Variants in PEAK3 observed in about 807,000 individuals in gnomAD.
The protein encoded by PEAK3 is PEAK family member 3.
In PEAK3, 15 loss-of-function variants were observed where a neutral mutation model predicts 13.3. The observed-to-expected ratio is 1.13, with a 90% CI of 0.75 to 1.73. The LOEUF (loss-of-function observed/expected upper bound fraction) is 1.73, where lower values mean the gene tolerates loss of function less well. Among genes scored for constraint, PEAK3 ranks in the 40% most tolerant of loss-of-function variants. The pLI, the probability that PEAK3 is intolerant of heterozygous loss-of-function variation, is 0.00. For missense variants in PEAK3, 739 were observed against 690.2 expected (o/e 1.07, Z -0.79); for synonymous variants, 347 against 341.9 (o/e 1.01, Z -0.17).
chr19:2,277,819 C>A (rs1183151892), intron 3 of PEAK3, among the ~76,000 whole-genome samples: 5 of 150,780 alleles, frequency 3.3e-5, no homozygotes, highest in Non-Finnish European at 5.9e-5. Flanking sequence ...CCCGCCTTGG[C>A]CTTCCAAAGT....
Position 2,275,567 on chromosome 19 carries a change from G to C in PEAK3, c.*113C>G. 1 of 981,308 alleles carries C rather than the reference G, an allele frequency of 1.0e-6. No homozygotes were observed. 60.8% of individuals were successfully genotyped at this position (981,308 alleles called of 1,614,324 possible). A position where few individuals can be genotyped will look rare whatever the true frequency, so the allele number is the denominator to read the frequency against. On this transcript the variant is annotated 3_prime_UTR_variant, in exon 4 of 4. Transcript: ENST00000342063. ...AGTGGGGCATTGCTCTCTCTGCTGCGCTCCTGGACTCTGCAGGAAGAGGGT... is the reference window on the plus strand; with the variant it reads ...AGTGGGGCATTGCTCTCTCTGCTGCCCTCCTGGACTCTGCAGGAAGAGGGT...
chr19:2,278,453 GCCCGGCT>G (rs2025410903), intron 3 of PEAK3, 124 bp downstream of exon 3: 11 of 1,092,318 alleles, frequency 1.0e-5, no homozygotes, highest in Non-Finnish European at 1.1e-5. Context: ...GAGCCACCGC[GCCCGGCT>G]CCAGTATTTC....
At position 2,275,589 on chromosome 19, in the gene PEAK3, G is replaced by A. The variant is rs1310744880; in HGVS notation, c.*91C>T. On this transcript the variant is annotated 3_prime_UTR_variant, in exon 4 of 4. Coordinates refer to ENST00000342063, the MANE Select transcript of PEAK3 (RefSeq NM_198532.3). ...TGCGCTCCTGGACTCTGCAGGAAGA[G>A]GGTGTCTTGGCTATCATGGAGACGC... 8.7e-7 allele frequency: 1 copy of A among 1,153,970 alleles called. No individual in the cohort carries two copies. Among genetic ancestry groups the A allele is most frequent in the African/African-American group, 1.6e-5 (1 of 61,236 alleles). 71.5% of individuals were successfully genotyped at this position (1,153,970 alleles called of 1,614,324 possible).
chr19:2,276,520 A>C, intron 3 of PEAK3, 31 bp from the exon 4 acceptor site: 2 of 1,452,798 alleles, frequency 1.4e-6, no homozygotes, highest in Non-Finnish European at 1.8e-6. Flanking sequence ...CGGGGCCTGG[A>C]TCACTGGGCC....
chr19:2,281,891 C>T (rs1261083266), intron 1 of PEAK3, among the ~76,000 whole-genome samples, 196 bp downstream of exon 1: 1 of 152,200 alleles, frequency 6.6e-6, no homozygotes, highest in African/African-American at 2.4e-5. Flanking sequence ...GAGTGTTCAG[C>T]CTGAGGACAG....
rs1414761128 is a variant in PEAK3 at position 2,275,896 on chromosome 19, G to T, written c.1206C>A (p.Pro402=). Residue 402 remains proline, a synonymous_variant, in exon 4 of 4, where the codon CCC becomes CCA. Transcript: ENST00000342063. ...CTCCGCGGCCGCGCAGCTCAGGCCC[G>T]GGCCCCCAGAGCAGCGCCTGCAGCG... ...RGALQALLWG[P]GPELRGRGAP... is the part of the protein sequence containing the mutation. 1 of 1,399,572 alleles carries T rather than the reference G, an allele frequency of 7.1e-7. No homozygotes were observed. The highest frequency in any genetic ancestry group is 9.2e-7 in the Non-Finnish European group (1 of 1,084,958). 86.7% of individuals were successfully genotyped at this position (1,399,572 alleles called of 1,614,324 possible).
Position 2,278,821 on chromosome 19 carries a change from G to A in PEAK3, c.375C>T (p.Leu125=). 1 of 1,596,188 alleles carries A rather than the reference G, an allele frequency of 6.3e-7. No individual in the cohort carries two copies. The highest frequency in any genetic ancestry group is 8.5e-7 in the Non-Finnish European group (1 of 1,171,804). Reference sequence around the variant, plus strand: ...CAGCCTCCGGGCTGTGCAGATCGCGGAGGGAGAGGCCCAGTGGGGCGTCAG... The same window carrying A: ...CAGCCTCCGGGCTGTGCAGATCGCGAAGGGAGAGGCCCAGTGGGGCGTCAG... ...GPADAPLGLS[L]RDLHSPEAVH... is the part of the protein sequence containing the mutation. The change falls in exon 3 of 4, where the codon CTC becomes CTT. Residue 125 remains leucine, a synonymous_variant. Transcript: ENST00000342063.
rs141253643 is a variant in PEAK3, at chr19:2,280,864, G to C, written c.68C>G (p.Thr23Arg). The C allele has an allele frequency of 1.4e-5, 23 of 1,607,020 alleles. No homozygotes were observed. The highest frequency in any genetic ancestry group is 1.8e-5 in the Non-Finnish European group (21 of 1,176,788). The change falls in exon 2 of 4, where the codon ACG (threonine) becomes AGG (arginine). Residue 23 changes from threonine (T) to arginine (R), a missense_variant. Physicochemically the swap from Thr to Arg is moderately conservative, Grantham distance 71. Coordinates refer to ENST00000342063, the MANE Select transcript of PEAK3 (RefSeq NM_198532.3). ...GAGCTGCTTACCAAGGTTGCTATAC[G>C]TGGGCTGAGTCGACCAGGTGGGGTT... ...PDNPTWSTQP[T>R]YSNLGQIRAH...
intron 3 of PEAK3, among the ~76,000 whole-genome samples, chr19:2,278,310 G>A (rs1220687289): frequency 1.4e-5 from 2 of 145,908 alleles, no homozygotes; most frequent in East Asian, 2.0e-4. Flanking sequence ...GTTTACAGGC[G>A]CCCGCCACCA....
intron 3 of PEAK3, among the ~76,000 whole-genome samples, chr19:2,277,182 A>C (rs1355025225): frequency 6.6e-6 from 1 of 152,078 alleles, no homozygotes; most frequent in African/African-American, 2.4e-5. Flanking sequence ...AACAAGTCTA[A>C]TATGGTCTGG....
At chr19:2,277,618 G>A (rs2025402569) in intron 3 of PEAK3, among the ~76,000 whole-genome samples, 1 of 151,698 alleles carries the variant, frequency 6.6e-6, no homozygotes. Flanking sequence ...GAGTGCAATA[G>A]CCCAATTTTC....
intron 3 of PEAK3, among the ~76,000 whole-genome samples, chr19:2,277,410 C>T (rs1263492701): frequency 6.6e-6 from 1 of 152,100 alleles, no homozygotes; most frequent in African/African-American, 2.4e-5. Flanking sequence ...GAGATGCCTG[C>T]TCCCGCCTCG....
chr19:2,279,116 G>T lies in PEAK3; in HGVS notation c.83-3C>A. 1.4e-6 allele frequency: 2 copies of T among 1,434,146 alleles called. No individual in the cohort carries two copies. The highest frequency in any genetic ancestry group is 3.0e-5 in the South Asian group (2 of 65,864). The allele number at this position is 1,434,146 out of a possible 1,614,324, so 88.8% of individuals were successfully genotyped here. On this transcript the variant is annotated splice_polypyrimidine_tract_variant and splice_region_variant and intron_variant, in intron 2 of 3. Transcript: ENST00000342063. The stretch of plus-strand genomic sequence containing the variant: ...CAGCAGGTGGGCACGGATCTGACCT[G>T]CAGGGAGAGACAGTGGGGGAGGGTT...
intron 3 of PEAK3, among the ~76,000 whole-genome samples, chr19:2,278,313 C>T (rs537861216): frequency 1.4e-3 from 211 of 147,340 alleles, no homozygotes; most frequent in African/African-American, 5.0e-3. Context: ...TACAGGCGCC[C>T]GCCACCACAC....
intron 3 of PEAK3, among the ~76,000 whole-genome samples, 166 bp from the exon 4 acceptor site, chr19:2,276,655 T>G (rs1053207675): frequency 6.6e-6 from 1 of 152,138 alleles, no homozygotes; most frequent in Non-Finnish European, 1.5e-5. Flanking sequence ...AGTGTTAATT[T>G]GGAAGTTAGT....
chr19:2,276,297 C>G lies in PEAK3; in HGVS notation c.805G>C (p.Ala269Pro). ...AACTCCTCCGGCGGCTGCGTGCAGG[C>G]CTCCGCCAGCCACTGCGCCACCGTG... ...ERTVAQWLAE[A>P]CTQPPEEFVW... The change falls in exon 4 of 4, where the codon GCC (alanine) becomes CCC (proline). Residue 269 changes from alanine (A) to proline (P), a missense_variant. Physicochemically the swap from Ala to Pro is conservative, Grantham distance 27. Coordinates refer to ENST00000342063, the MANE Select transcript of PEAK3 (RefSeq NM_198532.3). 1 of 1,592,630 alleles carries G rather than the reference C, an allele frequency of 6.3e-7. No individual in the cohort carries two copies. Among genetic ancestry groups the G allele is most frequent in the South Asian group, 1.1e-5 (1 of 89,752 alleles).
Position 2,278,735 on chromosome 19 carries a change from C to A in PEAK3, c.461G>T (p.Arg154Leu), listed in dbSNP as rs771648768. The A allele has an allele frequency of 2.6e-6, 4 of 1,533,744 alleles. No individual in the cohort carries two copies. The highest frequency in any genetic ancestry group is 3.5e-6 in the Non-Finnish European group (4 of 1,137,354). Reference protein sequence around the residue: ...QGLRTIYARLRARLMGGHPGP... With the variant: ...QGLRTIYARLLARLMGGHPGP... ...GGGGTGGCCCCCCATGAGCCGGGCA[C>A]GGAGCCGGGCATAGATGGTACGGAG... Residue 154 changes from arginine to leucine, a missense_variant, in exon 3 of 4, where the codon CGT becomes CTT. Physicochemically the swap from Arg to Leu is moderately radical, Grantham distance 102 (BLOSUM62 -2). Transcript: ENST00000342063.
chr19:2,276,274 C>T lies in PEAK3; in HGVS notation c.828G>A (p.Glu276=), dbSNP rs771784527. The change falls in exon 4 of 4, where the codon GAG becomes GAA. Residue 276 remains glutamate (E), a synonymous_variant. Transcript: ENST00000342063. ...GCAGCAGGGCCACAGCCCACACGAA[C>T]TCCTCCGGCGGCTGCGTGCAGGCCT... ...LAEACTQPPE[E]FVWAVALLLL... is the part of the protein sequence containing the mutation. 6.3e-7 allele frequency: 1 copy of T among 1,592,486 alleles called. No individual in the cohort carries two copies.
In PEAK3 at chr19:2,275,681, C is replaced by T. The variant is rs768210964; in HGVS notation, c.1421G>A (p.Ter474=). 2.0e-6 allele frequency: 3 copies of T among 1,469,596 alleles called. No homozygotes were observed. The highest frequency in any genetic ancestry group is 2.3e-5 in the Admixed American group (1 of 42,638). 91.0% of individuals were successfully genotyped at this position (1,469,596 alleles called of 1,614,324 possible). Residue 474 remains the stop codon, a stop_retained_variant, in exon 4 of 4, where the codon TGA becomes TAA. Coordinates refer to ENST00000342063, the MANE Select transcript of PEAK3 (RefSeq NM_198532.3). The part of the protein sequence containing the change: ...MGQALALLWD[*] ...AGGTGTGTTCGCCCTGGGTTGGGGTCAGTCCCACAGCAGCGCCAGGGCCTG... is the reference window on the plus strand; with the variant it reads ...AGGTGTGTTCGCCCTGGGTTGGGGTTAGTCCCACAGCAGCGCCAGGGCCTG...
Sources: gnomAD v4.1 joint callset for allele counts (sites outside exome capture counted in the v4.1 genomes callset) on GRCh38, gnomAD v4.1.1 for gene constraint, MANE v1.5 for transcripts, NCBI Gene and HGNC (gene_info 2026-07-23, HGNC 2026-07-21) for gene names.